The following TENM2 variants were observed in gnomAD, a reference collection of about 807,000 sequenced individuals.
TENM2 encodes teneurin transmembrane protein 2.
A neutral mutation model predicts 245.2 loss-of-function variants in TENM2; 52 were observed. The ratio of observed to expected loss-of-function variants is 0.21; its 90% CI spans 0.17 to 0.27. The LOEUF (loss-of-function observed/expected upper bound fraction) is 0.27, where lower values mean the gene tolerates loss of function less well. Ranked by LOEUF, TENM2 falls within the 10% of genes least tolerant of loss-of-function variation. The pLI is 1.00. For synonymous variants in TENM2, 1,363 were observed against 1,438.9 expected, an observed-to-expected ratio of 0.95 and a Z score of 1.19; for missense variants, 3,046 against 3,666.8, an observed-to-expected ratio of 0.83 and a Z score of 4.37.
chr5:167,577,884 ACTCC>A (rs1774818761), intron 2 of TENM2, among the ~76,000 whole-genome samples: 1 of 151,962 alleles, frequency 6.6e-6, no homozygotes, highest in South Asian at 2.1e-4. Context: ...CCAGGTCTTA[ACTCC>A]CTCCCTTAGG....
upstream of TENM2, among the ~76,000 whole-genome samples, chr5:167,281,367 G>C (rs978889867): frequency 6.7e-6 from 1 of 150,064 alleles, no homozygotes; most frequent in Non-Finnish European, 1.5e-5. Flanking sequence ...CACCCTCCTC[G>C]ACCTCCCAAA....
At chr5:167,829,116 G>T (rs1768238894) in intron 2 of TENM2, among the ~76,000 whole-genome samples, 1 of 152,136 alleles carries the variant, frequency 6.6e-6, no homozygotes, top group Non-Finnish European at 1.5e-5. Context: ...TTAAATCTTG[G>T]GGGTGTTCAA....
At chr5:167,686,730 G>A (rs947980591) in intron 2 of TENM2, among the ~76,000 whole-genome samples, 1 of 152,142 alleles carries the variant, frequency 6.6e-6, no homozygotes, top group Non-Finnish European at 1.5e-5. Flanking sequence ...ACCACTTGAG[G>A]TTTGCTGGGA....
At chr5:167,386,366 A>G (rs944492627) in intron 2 of TENM2, among the ~76,000 whole-genome samples, 5 of 151,710 alleles carry the variant, frequency 3.3e-5, no homozygotes, top group African/African-American at 9.7e-5. Context: ...TGGGATTATT[A>G]TTTTTTTCTT....
the TENM2 span, among the ~76,000 whole-genome samples, chr5:167,234,791 C>G: frequency 5.3e-5 from 8 of 152,284 alleles, no homozygotes; most frequent in African/African-American, 1.9e-4. Context: ...TATGATGGAA[C>G]AGAGAATGAA....
At chr5:167,428,645 T>G (rs1352046419) in intron 2 of TENM2, among the ~76,000 whole-genome samples, 1 of 152,232 alleles carries the variant, frequency 6.6e-6, no homozygotes, top group African/African-American at 2.4e-5. Context: ...TGTGTCATAC[T>G]GAAGGCTTGA....
chr5:167,532,476 T>G (rs1771573435), intron 2 of TENM2, among the ~76,000 whole-genome samples: 1 of 151,992 alleles, frequency 6.6e-6, no homozygotes, highest in African/African-American at 2.4e-5. Context: ...AGTCACGTCT[T>G]ACGTGGATGG....
chr5:166,979,203 G>GCAGCAGCAGCAGCACCACCAC, the TENM2 span, among the ~76,000 whole-genome samples: 2 of 111,454 alleles, frequency 1.8e-5, no homozygotes, highest in South Asian at 2.6e-4. Flanking sequence ...ACCAGCAGCA[G>GCAGCAGCAGCAGCACCACCAC]CAGCAGCAGC....
chr5:167,756,241 C>T (rs1203073456), intron 2 of TENM2, among the ~76,000 whole-genome samples: 4 of 152,028 alleles, frequency 2.6e-5, no homozygotes, highest in Non-Finnish European at 4.4e-5. Context: ...TATATGTAAT[C>T]CCACTTCCTT....
intron 2 of TENM2, among the ~76,000 whole-genome samples, chr5:167,384,705 C>T (rs548391363): frequency 3.1e-4 from 46 of 146,806 alleles, no homozygotes; most frequent in Non-Finnish European, 4.7e-4. Context: ...CACGCGTGCG[C>T]GCACACACGC....
chr5:167,532,579 G>A (rs1285010423), intron 2 of TENM2, among the ~76,000 whole-genome samples: 3 of 151,698 alleles, frequency 2.0e-5, no homozygotes, highest in Non-Finnish European at 4.4e-5. Context: ...GAACATCAGG[G>A]GAAAGACCTG....
At chr5:167,164,058 C>A in the TENM2 span, among the ~76,000 whole-genome samples, 3 of 152,180 alleles carry the variant, frequency 2.0e-5, no homozygotes, top group Admixed American at 2.0e-4. Flanking sequence ...AAAAGTAAAC[C>A]CTTTTTTTTT....
At chr5:167,791,550 A>T (rs1764978083) in intron 2 of TENM2, among the ~76,000 whole-genome samples, 1 of 83,920 alleles carries the variant, frequency 1.2e-5, no homozygotes, top group South Asian at 3.8e-4. Context: ...ATATATTATA[A>T]TATATAAATA....
intron 2 of TENM2, among the ~76,000 whole-genome samples, chr5:167,560,340 C>G (rs188477905): frequency 8.7e-5 from 13 of 149,948 alleles, no homozygotes; most frequent in Non-Finnish European, 1.6e-4. Context: ...ATTTTGCATG[C>G]GACAGTTGAG....
intron 5 of TENM2, among the ~76,000 whole-genome samples, chr5:168,038,459 T>G (rs1787898944): frequency 6.6e-6 from 1 of 152,190 alleles, no homozygotes; most frequent in Admixed American, 6.5e-5. Context: ...CTACCAACCC[T>G]GTCAACACCT....
chr5:167,635,746 G>A (rs1021856215), intron 2 of TENM2, among the ~76,000 whole-genome samples: 3 of 143,878 alleles, frequency 2.1e-5, no homozygotes, highest in Admixed American at 7.4e-5. Flanking sequence ...CCGGGTTCAC[G>A]CCATTCTCCT....
intron 2 of TENM2, among the ~76,000 whole-genome samples, chr5:167,776,874 A>AT (rs1254245474): frequency 2.0e-5 from 3 of 151,772 alleles, no homozygotes; most frequent in Non-Finnish European, 4.4e-5. Flanking sequence ...GTTCCCCATC[A>AT]TTTTTTTCCA....
At chr5:167,799,607 G>A (rs1417011577) in intron 2 of TENM2, among the ~76,000 whole-genome samples, 1 of 152,178 alleles carries the variant, frequency 6.6e-6, no homozygotes, top group Non-Finnish European at 1.5e-5. Flanking sequence ...TAATTAAGAT[G>A]CTTTGTGTTA....
At chr5:167,192,471 A>G in the TENM2 span, among the ~76,000 whole-genome samples, 2 of 152,072 alleles carry the variant, frequency 1.3e-5, no homozygotes, top group African/African-American at 4.8e-5. Flanking sequence ...TCATTTTGGT[A>G]CTGGAGAAAG....
Sources: gnomAD v4.1 joint callset for allele counts (sites outside exome capture counted in the v4.1 genomes callset) on GRCh38, gnomAD v4.1.1 for gene constraint, MANE v1.5 for transcripts, NCBI Gene and HGNC (gene_info 2026-07-23, HGNC 2026-07-21) for gene names.